The following TBC1D30 variants were observed in gnomAD, a reference collection of about 807,000 sequenced individuals.
TBC1D30 encodes the protein TBC1 domain family, member 30.
TBC1D30 carries 31 observed loss-of-function variants against 63.2 expected under a neutral mutation model. That is an observed-to-expected ratio of 0.49 (90% CI 0.37 to 0.66). The LOEUF (loss-of-function observed/expected upper bound fraction) is 0.66, where lower values mean the gene tolerates loss of function less well. Among genes scored for constraint, TBC1D30 ranks in the 30% least tolerant of loss-of-function variants. The pLI is 0.00. For missense variants in TBC1D30, 810 were observed against 953.6 expected, an observed-to-expected ratio of 0.85 and a Z score of 1.98; for synonymous variants, 307 against 361.5, an observed-to-expected ratio of 0.85 and a Z score of 1.71.
chr12:64,840,891 A>G (rs1875813275), intron 7 of TBC1D30, among the ~76,000 whole-genome samples: 1 of 152,234 alleles, frequency 6.6e-6, no homozygotes, highest in African/African-American at 2.4e-5. Flanking sequence ...GTTAAGGGAA[A>G]GGAAAGGCAA....
chr12:64,796,725 G>T (rs758048616), intron 2 of TBC1D30, among the ~76,000 whole-genome samples: 1 of 152,090 alleles, frequency 6.6e-6, no homozygotes, highest in Non-Finnish European at 1.5e-5. Context: ...TTTCAAAAGC[G>T]TTATTCATTT....
At position 64,875,753 on chromosome 12, in the gene TBC1D30, C is replaced by G. The variant is rs781694276; in HGVS notation, c.2251C>G (p.Pro751Ala). ...TCAAATGAGTAGGAGCTTCAGCAAACCCGGCGGTGGAAACAGTGGCACTAA... is the reference window on the plus strand; with the variant it reads ...TCAAATGAGTAGGAGCTTCAGCAAAGCCGGCGGTGGAAACAGTGGCACTAA... ...FPQMSRSFSK[P>A]GGGNSGTKKR is the part of the protein sequence containing the mutation. Residue 751 changes from proline (P) to alanine (A), a missense_variant, in exon 12 of 12, where the codon CCC becomes GCC. Pro to Ala is a conservative substitution (Grantham distance 27). Coordinates refer to ENST00000539867, the MANE Select transcript of TBC1D30 (RefSeq NM_015279.2). 4 of 1,533,402 alleles carry G rather than the reference C, an allele frequency of 2.6e-6. No homozygotes were observed. Among genetic ancestry groups the G allele is most frequent in the Admixed American group, 2.0e-5 (1 of 50,320 alleles). 95.0% of individuals were successfully genotyped at this position (1,533,402 alleles called of 1,614,324 possible). A position where few individuals can be genotyped will look rare whatever the true frequency, so the allele number is the denominator to read the frequency against.
intron 2 of TBC1D30, among the ~76,000 whole-genome samples, chr12:64,808,656 T>C (rs1163280884): frequency 6.6e-6 from 1 of 152,186 alleles, no homozygotes; most frequent in African/African-American, 2.4e-5. Context: ...TTAGGTACAG[T>C]CACGCTGTGC....
upstream of TBC1D30, among the ~76,000 whole-genome samples, chr12:64,780,223 A>T (rs974884762): frequency 6.6e-6 from 1 of 152,204 alleles, no homozygotes; most frequent in Non-Finnish European, 1.5e-5. Flanking sequence ...TAGAAAGCTT[A>T]TTGTCAGAGA....
At chr12:64,778,073 T>G (rs1871133581), upstream of TBC1D30, among the ~76,000 whole-genome samples, 1 of 152,238 alleles carries the variant, frequency 6.6e-6, no homozygotes, top group African/African-American at 2.4e-5. Flanking sequence ...TCAGTGGTTC[T>G]TTCTTATATC....
chr12:64,867,082 C>T (rs561510525), intron 10 of TBC1D30, among the ~76,000 whole-genome samples, 179 bp downstream of exon 10: 1 of 152,216 alleles, frequency 6.6e-6, no homozygotes, highest in Admixed American at 6.5e-5. Context: ...GAGGCTGAGA[C>T]AGCATGATCA....
intron 8 of TBC1D30, among the ~76,000 whole-genome samples, chr12:64,845,849 G>A (rs555795564): frequency 1.3e-5 from 2 of 152,240 alleles, no homozygotes; most frequent in African/African-American, 4.8e-5. Flanking sequence ...TAGTAGAGAT[G>A]GGGTTTCGCC....
At chr12:64,807,746 A>G (rs1872954257) in intron 2 of TBC1D30, among the ~76,000 whole-genome samples, 1 of 151,862 alleles carries the variant, frequency 6.6e-6, no homozygotes, top group Non-Finnish European at 1.5e-5. Context: ...TAAAAAATTT[A>G]ATTTTTTAAA....
intron 2 of TBC1D30, among the ~76,000 whole-genome samples, chr12:64,805,704 G>A (rs1372254980): frequency 6.6e-6 from 1 of 152,034 alleles, no homozygotes; most frequent in African/African-American, 2.4e-5. Context: ...GTGGTGGCGG[G>A]CACCTGTAGT....
intron 1 of TBC1D30, among the ~76,000 whole-genome samples, chr12:64,770,685 T>C (rs1181306637): frequency 7.2e-5 from 11 of 151,970 alleles, no homozygotes. Flanking sequence ...ACTGCACTTA[T>C]AAAACACCAA....
At position 64,830,435 on chromosome 12, in the gene TBC1D30, C is replaced by G; in HGVS notation, c.341C>G (p.Thr114Ser). 1 of 1,535,552 alleles carries G rather than the reference C, an allele frequency of 6.5e-7. No individual in the cohort carries two copies. The highest frequency in any genetic ancestry group is 8.7e-7 in the Non-Finnish European group (1 of 1,146,524). The part of the protein sequence containing the change: ...LHSIAIDWDK[T>S]MRFTFNERSN... ...AGTATAGCCATTGACTGGGACAAAACCATGCGCTTCACTTTCAATGAAAGG... is the reference window on the plus strand; with the variant it reads ...AGTATAGCCATTGACTGGGACAAAAGCATGCGCTTCACTTTCAATGAAAGG... Residue 114 changes from threonine to serine, a missense_variant, in exon 4 of 12, where the codon ACC (threonine) becomes AGC (serine). Physicochemically the swap from Thr to Ser is moderately conservative, Grantham distance 58. This residue lies in a region of TBC1D30 where 272 missense variants were observed against 335.9 expected (regional missense o/e 0.81). Transcript: ENST00000539867.
chr12:64,765,488 T>G (rs1870675024), intron 1 of TBC1D30, among the ~76,000 whole-genome samples: 1 of 9,734 alleles, frequency 1.0e-4, no homozygotes, highest in Non-Finnish European at 1.6e-4. Context: ...CAAGACTGTC[T>G]CCAAAAAAAA....
intron 2 of TBC1D30, among the ~76,000 whole-genome samples, chr12:64,804,702 A>C (rs1286407554): frequency 6.6e-6 from 1 of 152,186 alleles, no homozygotes; most frequent in East Asian, 1.9e-4. Flanking sequence ...AAGGGGCACA[A>C]AATTCATTTT....
rs1261903288 is a variant in TBC1D30, at chr12:64,879,609, C to T, written c.*3821C>T. 1 of 152,136 alleles carries T rather than the reference C, an allele frequency of 6.6e-6. No individual in the cohort carries two copies. Among genetic ancestry groups the T allele is most frequent in the Non-Finnish European group, 1.5e-5 (1 of 68,022 alleles). The allele number at this position is 152,136 out of a possible 1,614,324, so 9.4% of individuals were successfully genotyped here. ...ATGACTTCTAGTGTGGAAGTGCCAA[C>T]AGAAGTGTTTTAGAAGCAGTGATAA... On this transcript the variant is annotated 3_prime_UTR_variant, in exon 12 of 12. Coordinates refer to ENST00000539867, the MANE Select transcript of TBC1D30 (RefSeq NM_015279.2).
intron 10 of TBC1D30, among the ~76,000 whole-genome samples, chr12:64,869,639 T>G (rs1878500376): frequency 6.6e-6 from 1 of 152,192 alleles, no homozygotes; most frequent in African/African-American, 2.4e-5. Flanking sequence ...TTCTCTGTTT[T>G]TCTTTCTGTG....
At chr12:64,772,066 C>A (rs1355928712) in intron 1 of TBC1D30, among the ~76,000 whole-genome samples, 1 of 151,906 alleles carries the variant, frequency 6.6e-6, no homozygotes, top group Non-Finnish European at 1.5e-5. Context: ...ACCAGCCTGA[C>A]CAACATGGAG....
chr12:64,825,056 T>C (rs571807615), intron 1 of TBC1D30, 23 bp downstream of exon 1: 56 of 1,523,838 alleles, frequency 3.7e-5, no homozygotes, highest in Admixed American at 2.2e-4. Context: ...GGGCTGCAGA[T>C]GGGGCGCTGT....
chr12:64,799,270 G>A (rs980774007), intron 2 of TBC1D30, among the ~76,000 whole-genome samples: 2 of 152,148 alleles, frequency 1.3e-5, no homozygotes, highest in Non-Finnish European at 1.5e-5. Context: ...TCTCATGCAA[G>A]TTCCCCGACC....
intron 8 of TBC1D30, among the ~76,000 whole-genome samples, chr12:64,861,520 C>T (rs1877787971): frequency 6.6e-6 from 1 of 152,148 alleles, no homozygotes; most frequent in African/African-American, 2.4e-5. Flanking sequence ...TTCAGTCTTT[C>T]CCTTTTCTTT....
Sources: allele counts gnomAD v4.1 joint callset (sites outside exome capture counted in the v4.1 genomes callset), GRCh38; gene constraint gnomAD v4.1.1; regional missense constraint gnomAD v4.1.1; transcripts MANE v1.5; gene names NCBI Gene and HGNC (gene_info 2026-07-23, HGNC 2026-07-21).